Variants in SLC2A9 observed in about 807,000 individuals in gnomAD.
The protein encoded by SLC2A9 is solute carrier family 2, facilitated glucose transporter member 9.
Under a neutral mutation model 50.6 loss-of-function variants are expected in SLC2A9, and 39 were observed. The ratio of observed to expected loss-of-function variants is 0.77; its 90% CI spans 0.60 to 1.01. SLC2A9 has a LOEUF of 1.01. Ranked by LOEUF, SLC2A9 falls within the 50% of genes least tolerant of loss-of-function variation. The pLI is 0.00. For missense variants in SLC2A9, 686 were observed against 677.6 expected (o/e 1.01, Z -0.14); for synonymous variants, 324 against 276.9 (o/e 1.17, Z -1.69).
At chr4:9,841,006 A>G (rs1483197175) in intron 10 of SLC2A9, among the ~76,000 whole-genome samples, 1 of 152,142 alleles carries the variant, frequency 6.6e-6, no homozygotes, top group East Asian at 1.9e-4. Context: ...GCATGGGGGA[A>G]CTACTCCCAT....
At chr4:9,897,319 C>T (rs1738735635) in intron 8 of SLC2A9, among the ~76,000 whole-genome samples, 1 of 152,172 alleles carries the variant, frequency 6.6e-6, no homozygotes, top group Non-Finnish European at 1.5e-5. Flanking sequence ...CACTGGGGCA[C>T]AGAGAAGACA....
At chr4:9,854,447 G>A (rs897869956) in intron 10 of SLC2A9, among the ~76,000 whole-genome samples, 4 of 152,148 alleles carry the variant, frequency 2.6e-5, no homozygotes, top group Non-Finnish European at 4.4e-5. Flanking sequence ...AACAAGTTCT[G>A]AAACTGAATT....
intron 2 of SLC2A9, among the ~76,000 whole-genome samples, chr4:10,011,897 T>C (rs1441179694): frequency 6.6e-6 from 1 of 152,172 alleles, no homozygotes; most frequent in African/African-American, 2.4e-5. Context: ...TGCCCAGAGG[T>C]ACTAATGACA....
At chr4:9,795,654 T>C (rs907039589), downstream of SLC2A9, among the ~76,000 whole-genome samples, 1 of 152,170 alleles carries the variant, frequency 6.6e-6, no homozygotes, top group African/African-American at 2.4e-5. Context: ...AAAATAACTT[T>C]GCACACCAAC....
chr4:9,950,019 T>C (rs972788050), intron 5 of SLC2A9, among the ~76,000 whole-genome samples: 1 of 152,282 alleles, frequency 6.6e-6, no homozygotes, highest in South Asian at 2.1e-4. Flanking sequence ...ACAGCTTTAC[T>C]GAATCCTGGG....
At chr4:9,980,820 T>A in intron 4 of SLC2A9, 83 bp from the exon 5 acceptor site, 1 of 1,581,214 alleles carries the variant, frequency 6.3e-7, no homozygotes, top group Non-Finnish European at 8.7e-7. Flanking sequence ...CTCTTGGCTC[T>A]GCTTTGCCCT....
chr4:9,993,326 T>C (rs916218149), intron 3 of SLC2A9, among the ~76,000 whole-genome samples: 5 of 152,220 alleles, frequency 3.3e-5, no homozygotes, highest in Admixed American at 6.5e-5. Flanking sequence ...AGATGCACAA[T>C]TGACTCTGTC....
chr4:9,937,846 G>A (rs565116180), intron 6 of SLC2A9, among the ~76,000 whole-genome samples: 15 of 152,206 alleles, frequency 9.9e-5, no homozygotes, highest in South Asian at 4.1e-4. Flanking sequence ...GAGGGAGTAA[G>A]CGAGGAGTTT....
intron 10 of SLC2A9, among the ~76,000 whole-genome samples, chr4:9,868,468 C>T (rs1452747527): frequency 6.6e-6 from 1 of 152,216 alleles, no homozygotes; most frequent in Non-Finnish European, 1.5e-5. Context: ...GGGCTTCTTC[C>T]CCAGAATTGT....
chr4:9,996,383 C>T (rs1578245887), intron 3 of SLC2A9, among the ~76,000 whole-genome samples: 1 of 152,348 alleles, frequency 6.6e-6, no homozygotes, highest in East Asian at 1.9e-4. Flanking sequence ...CCCTGCTCTG[C>T]TCTATGCCCC....
At chr4:9,857,612 C>G (rs964245914) in intron 10 of SLC2A9, among the ~76,000 whole-genome samples, 13 of 152,208 alleles carry the variant, frequency 8.5e-5, no homozygotes, top group African/African-American at 3.1e-4. Context: ...CTGAAGAGAG[C>G]TGATGCCCTA....
chr4:9,932,418 T>C lies in SLC2A9; in HGVS notation c.814+9495A>G, dbSNP rs148189626. Among the ~76,000 whole-genome samples the C allele has an allele frequency of 4.3e-4, 65 of 152,250 alleles. No individual in the cohort carries two copies. The East Asian group carries it at 0.011, about 25-fold the overall frequency. Reference sequence around the variant, plus strand: ...AAAGTGTCCCTCCTCGCATGGAGCTTTTCATTCTCATGGAGGGGAGTGATA... The same window carrying C: ...AAAGTGTCCCTCCTCGCATGGAGCTCTTCATTCTCATGGAGGGGAGTGATA... On this transcript the variant is annotated intron_variant, in intron 6 of 11. Transcript: ENST00000264784.
At chr4:9,835,049 G>T (rs760613439) in intron 10 of SLC2A9, 41 bp from the exon 11 acceptor site, 35 of 1,611,952 alleles carry the variant, frequency 2.2e-5, no homozygotes, top group Non-Finnish European at 2.9e-5. Context: ...ATCACTCTGA[G>T]AAGGTCATGC....
rs149116535 is a variant in SLC2A9 at position 9,856,702 on chromosome 4, T to A, written c.1292-21694A>T. On this transcript the variant is annotated intron_variant, in intron 10 of 11. Transcript: ENST00000264784. Reference sequence around the variant, plus strand: ...GCAACTATTCACAATAGCAAAGACATAGAGTCAACATAAATGCCCATTAAC... The same window carrying A: ...GCAACTATTCACAATAGCAAAGACAAAGAGTCAACATAAATGCCCATTAAC... Among the ~76,000 whole-genome samples the A allele has an allele frequency of 1.6e-3, 246 of 152,150 alleles. 2 individuals are homozygous for A. The highest frequency in any genetic ancestry group is 4.1e-3 in the Admixed American group (62 of 15,282).
intron 6 of SLC2A9, among the ~76,000 whole-genome samples, chr4:9,923,530 G>A: frequency 6.6e-6 from 1 of 152,170 alleles, no homozygotes. Context: ...TTTTGCAGAT[G>A]GACAGAGGGG....
intron 1 of SLC2A9, among the ~76,000 whole-genome samples, chr4:10,020,351 C>G (rs1050392747): frequency 1.8e-4 from 27 of 152,232 alleles, no homozygotes; most frequent in African/African-American, 6.3e-4. Flanking sequence ...TTTTCTGGGG[C>G]TCAGCTTGCC....
intron 10 of SLC2A9, among the ~76,000 whole-genome samples, chr4:9,842,132 T>C (rs1055314708): frequency 4.6e-5 from 7 of 152,206 alleles, no homozygotes; most frequent in Admixed American, 4.6e-4. Context: ...GTATTGTTAT[T>C]GATTTTAACG....
intron 6 of SLC2A9, among the ~76,000 whole-genome samples, chr4:9,935,500 G>C (rs551381513): frequency 6.6e-6 from 1 of 152,204 alleles, no homozygotes; most frequent in African/African-American, 2.4e-5. Flanking sequence ...ACCTGGAGCT[G>C]AGCTGGTTCT....
chr4:9,857,668 A>T (rs1730947623), intron 10 of SLC2A9, among the ~76,000 whole-genome samples: 1 of 152,178 alleles, frequency 6.6e-6, no homozygotes. Flanking sequence ...ACAGTCTCCC[A>T]GAGTTCCCCA....
Sources: allele counts gnomAD v4.1 joint callset (sites outside exome capture counted in the v4.1 genomes callset), GRCh38; gene constraint gnomAD v4.1.1; transcripts MANE v1.5; gene names NCBI Gene and HGNC (gene_info 2026-07-23, HGNC 2026-07-21).